CDC16: variants seen among roughly 807,000 people sequenced by gnomAD.
CDC16 encodes cell division cycle protein 16 homolog.
In CDC16, 34 loss-of-function variants were observed where a neutral mutation model predicts 87.0. That is an observed-to-expected ratio of 0.39 (90% CI 0.30 to 0.52). The LOEUF is 0.52. Ranked by LOEUF, CDC16 falls within the 20% of genes least tolerant of loss-of-function variation. CDC16 has a pLI of 0.74. For missense variants in CDC16, 653 were observed against 751.9 expected, an observed-to-expected ratio of 0.87 and a Z score of 1.54; for synonymous variants, 263 against 260.6, an observed-to-expected ratio of 1.01 and a Z score of -0.09.
At chr13:114,246,140 C>A (rs1370901509) in intron 10 of CDC16, 91 bp downstream of exon 10, 1 of 582,878 alleles carries the variant, frequency 1.7e-6, no homozygotes, top group Non-Finnish European at 2.9e-6. Context: ...AGCTTAAGTT[C>A]AAGCAAATGA....
chr13:114,262,508 C>T (rs1466523289), intron 15 of CDC16, among the ~76,000 whole-genome samples: 3 of 152,160 alleles, frequency 2.0e-5, no homozygotes, highest in East Asian at 1.9e-4. Flanking sequence ...GACCTTAAAG[C>T]GATACTCCTT....
rs2081896478 is a variant in CDC16 at position 114,246,806 on chromosome 13, C to T, written c.898-125C>T. 7 of 683,304 alleles carry T rather than the reference C, an allele frequency of 1.0e-5. No homozygotes were observed. In the South Asian group the frequency reaches 1.2e-4, roughly 12 times the overall value. The allele number at this position is 683,304 out of a possible 1,614,324, so 42.3% of individuals were successfully genotyped here. ...TTAGTAGACTGTATTAGAGAAATGT[C>T]TAACTTAACTAGAATATGTGATAAG... On this transcript the variant is annotated intron_variant, in intron 10 of 17. Coordinates refer to ENST00000356221, the MANE Select transcript of CDC16 (RefSeq NM_001078645.3).
chr13:114,235,332 G>C (rs897773643), intron 1 of CDC16, among the ~76,000 whole-genome samples, 200 bp downstream of exon 1: 5 of 152,134 alleles, frequency 3.3e-5, no homozygotes, highest in Non-Finnish European at 5.9e-5. Flanking sequence ...GCACAGCCCG[G>C]GGAGTGGAGG....
At chr13:114,267,252 C>CCAAGGCAGGCAGA in intron 17 of CDC16, among the ~76,000 whole-genome samples, 1 of 152,100 alleles carries the variant, frequency 6.6e-6, no homozygotes, top group Admixed American at 6.5e-5. Flanking sequence ...CTTTGGGAGG[C>CCAAGGCAGGCAGA]TAAGGCAGGC....
Position 114,265,035 on chromosome 13 carries a change from T to C in CDC16, c.1513-115T>C, listed in dbSNP as rs2139155696. On this transcript the variant is annotated intron_variant, in intron 16 of 17. Transcript: ENST00000356221. ...TTTGGTTCATGGCCAGTCATGTAGC[T>C]ATGTCTGGCCACTTCCCCCACCCTG... The C allele has an allele frequency of 1.9e-5, 14 of 756,208 alleles. No individual in the cohort carries two copies. In the South Asian group the frequency reaches 1.9e-4, roughly 10 times the overall value. The allele number at this position is 756,208 out of a possible 1,614,324, so 46.8% of individuals were successfully genotyped here.
At chr13:114,267,940 C>G (rs1343068770) in intron 17 of CDC16, among the ~76,000 whole-genome samples, 4 of 152,144 alleles carry the variant, frequency 2.6e-5, no homozygotes, top group Non-Finnish European at 4.4e-5. Flanking sequence ...TACCAAGGAG[C>G]AATTAGGTAG....
chr13:114,255,490 TC>T (rs1303003730), intron 12 of CDC16, among the ~76,000 whole-genome samples: 1 of 152,092 alleles, frequency 6.6e-6, no homozygotes, highest in Non-Finnish European at 1.5e-5. Context: ...TTCAAAATGT[TC>T]CAGAAGCCCA....
At chr13:114,255,669 G>A (rs2082453584) in intron 12 of CDC16, among the ~76,000 whole-genome samples, 1 of 152,018 alleles carries the variant, frequency 6.6e-6, no homozygotes, top group African/African-American at 2.4e-5. Flanking sequence ...TGTACATAGA[G>A]TCTCACTCTC....
chr13:114,272,121 A>C (rs2083723773), intron 17 of CDC16, 63 bp from the exon 18 acceptor site: 1 of 935,526 alleles, frequency 1.1e-6, no homozygotes. Flanking sequence ...GGTGTTATAT[A>C]ACAATAGAAA....
chr13:114,263,932 T>G (rs906340420), intron 16 of CDC16, among the ~76,000 whole-genome samples: 1 of 152,158 alleles, frequency 6.6e-6, no homozygotes, highest in Non-Finnish European at 1.5e-5. Context: ...ATGGCAATAA[T>G]AGGAAACCAC....
At position 114,250,610 on chromosome 13, in the gene CDC16, G is replaced by T; in HGVS notation, c.1033G>T (p.Ala345Ser). The T allele has an allele frequency of 6.2e-7, 1 of 1,613,988 alleles. No homozygotes were observed. Among genetic ancestry groups the T allele is most frequent in the Non-Finnish European group, 8.5e-7 (1 of 1,179,982 alleles). The change falls in exon 12 of 18, where the codon GCG (alanine) becomes TCG (serine). Residue 345 changes from alanine to serine, a missense_variant. By Grantham distance (99) the Ala-to-Ser change is moderately conservative (BLOSUM62 1). Coordinates refer to ENST00000356221, the MANE Select transcript of CDC16 (RefSeq NM_001078645.3). ...ATGGATAGCCTATGGACATTCATTT[G>T]CGGTGGAGAGTGAGCACGACCAAGC... ...PAWIAYGHSF[A>S]VESEHDQAMA...
At chr13:114,269,354 T>G (rs775351285) in intron 17 of CDC16, among the ~76,000 whole-genome samples, 1 of 150,992 alleles carries the variant, frequency 6.6e-6, no homozygotes, top group Non-Finnish European at 1.5e-5. Flanking sequence ...AGTACAAGTC[T>G]CATAAGCTCA....
At chr13:114,250,431 G>A in intron 11 of CDC16, 118 bp from the exon 12 acceptor site, 2 of 867,064 alleles carry the variant, frequency 2.3e-6, no homozygotes, top group Non-Finnish European at 3.4e-6. Context: ...GGCGGAGGCT[G>A]CAGAGAGCCG....
chr13:114,241,942 C>T (rs1348332527), intron 5 of CDC16, among the ~76,000 whole-genome samples, 179 bp from the exon 6 acceptor site: 3 of 152,066 alleles, frequency 2.0e-5, no homozygotes, highest in Admixed American at 2.0e-4. Context: ...CCTAGCTACT[C>T]AGGAGGCTGA....
chr13:114,240,043 A>C (rs554630804), intron 5 of CDC16, among the ~76,000 whole-genome samples: 38 of 152,232 alleles, frequency 2.5e-4, no homozygotes, highest in African/African-American at 8.7e-4. Context: ...TTGAGGTATA[A>C]TTTATATGCC....
At chr13:114,259,999 G>T (rs1195212490) in intron 14 of CDC16, among the ~76,000 whole-genome samples, 3 of 152,202 alleles carry the variant, frequency 2.0e-5, no homozygotes, top group Admixed American at 6.5e-5. Flanking sequence ...CTTAAAAGTA[G>T]TAACAGTTTT....
chr13:114,253,415 G>A (rs1594619198), intron 12 of CDC16, among the ~76,000 whole-genome samples: 1 of 152,076 alleles, frequency 6.6e-6, no homozygotes, highest in South Asian at 2.1e-4. Flanking sequence ...CTGGCCGGGC[G>A]CAGTGGCTCA....
intron 13 of CDC16, among the ~76,000 whole-genome samples, chr13:114,258,566 G>A (rs1298803842): frequency 6.6e-6 from 1 of 152,184 alleles, no homozygotes; most frequent in African/African-American, 2.4e-5. Context: ...ATGTATTAGA[G>A]AAGCTTCATT....
At position 114,244,905 on chromosome 13, in the gene CDC16, T is replaced by C. The variant is rs1316454628; in HGVS notation, c.783T>C (p.Asp261=). The stretch of plus-strand genomic sequence containing the variant: ...TAACTTTCAGAGTAATGGAGAAAGA[T>C]CCTTTCCATGCAAGTTGTTTACCTG... The part of the protein sequence containing the change: ...YKLTSVVMEK[D]PFHASCLPVH... Residue 261 remains aspartate (D), a synonymous_variant, in exon 9 of 18, where the codon GAT becomes GAC. Coordinates refer to ENST00000356221, the MANE Select transcript of CDC16 (RefSeq NM_001078645.3). The C allele has an allele frequency of 6.2e-7, 1 of 1,610,598 alleles. No homozygotes were observed. The highest frequency in any genetic ancestry group is 8.5e-7 in the Non-Finnish European group (1 of 1,177,758).
Sources: allele counts gnomAD v4.1 joint callset (sites outside exome capture counted in the v4.1 genomes callset), GRCh38; gene constraint gnomAD v4.1.1; transcripts MANE v1.5; gene names NCBI Gene and HGNC (gene_info 2026-07-23, HGNC 2026-07-21).